The following DDX23 variants were observed in gnomAD, a reference collection of about 807,000 sequenced individuals.
DDX23 encodes the protein probable ATP-dependent RNA helicase DDX23.
A neutral mutation model predicts 102.7 loss-of-function variants in DDX23; 33 were observed. The ratio of observed to expected loss-of-function variants is 0.32; its 90% CI spans 0.24 to 0.43. DDX23 has a LOEUF of 0.43. Ranked by LOEUF, DDX23 falls within the 20% of genes least tolerant of loss-of-function variation. The pLI is 1.00. For missense variants in DDX23, 549 were observed against 1,086.6 expected (o/e 0.51, Z 6.96); for synonymous variants, 352 against 376.0 (o/e 0.94, Z 0.74).
At position 48,838,035 on chromosome 12, in the gene DDX23, G is replaced by A. The variant is rs1426753990; in HGVS notation, c.526C>T (p.Arg176Ter). ...CGCTCTTCCACCTCCTGCTGCCGTC[G>A]CTTTAGAGCTTCAGCCTCTCGTTCT... ...KAEREAEALK[R>*]RQQEVEERQR... Residue 176 changes from arginine (R) to a stop codon, truncating the protein, a stop_gained, in exon 6 of 17, where the codon CGA becomes TGA. Transcript: ENST00000308025. LOFTEE classifies it high-confidence loss of function. The A allele has an allele frequency of 1.2e-6, 2 of 1,614,138 alleles. No homozygotes were observed. The highest frequency in any genetic ancestry group is 8.5e-7 in the Non-Finnish European group (1 of 1,180,040).
chr12:48,840,138 TCTTA>T (rs1223503286), intron 3 of DDX23, 32 bp from the exon 4 acceptor site: 2 of 1,554,542 alleles, frequency 1.3e-6, no homozygotes, highest in East Asian at 4.5e-5. Flanking sequence ...TCCACATCAC[TCTTA>T]CTTCAGTGCC....
chr12:48,834,091 T>C (rs1938430006), intron 12 of DDX23, among the ~76,000 whole-genome samples: 2 of 152,184 alleles, frequency 1.3e-5, no homozygotes, highest in African/African-American at 4.8e-5. Context: ...GCTTGATCTA[T>C]AACAAGGAAA....
chr12:48,836,546 T>C lies in DDX23; in HGVS notation c.1236+23A>G, dbSNP rs1428526542. On this transcript the variant is annotated intron_variant, in intron 10 of 16. Transcript: ENST00000308025. The surrounding 1 kb of genome is among the most constrained non-coding windows in gnomAD (Gnocchi z 6.1). The stretch of plus-strand genomic sequence containing the variant: ...TAGTGTAGGAACATGTCAGATCTCT[T>C]GGGCCAATCTATCCCTCCTTACCTT... 6.2e-7 allele frequency: 1 copy of C among 1,605,240 alleles called. No homozygotes were observed. Among genetic ancestry groups the C allele is most frequent in the East Asian group, 2.2e-5 (1 of 44,852 alleles).
chr12:48,838,410 C>A (rs1332588567), intron 5 of DDX23, among the ~76,000 whole-genome samples: 3 of 152,084 alleles, frequency 2.0e-5, no homozygotes, highest in Admixed American at 2.0e-4. Flanking sequence ...CTCAGCCAGA[C>A]ATGATGGCAT....
intron 5 of DDX23, among the ~76,000 whole-genome samples, chr12:48,838,796 T>C (rs1003443564): frequency 5.3e-5 from 8 of 151,902 alleles, no homozygotes; most frequent in African/African-American, 1.9e-4. Context: ...GAGGTTGCAG[T>C]GAGCCGAGAT....
chr12:48,841,161 G>A (rs985776728), intron 3 of DDX23, among the ~76,000 whole-genome samples: 2 of 151,928 alleles, frequency 1.3e-5, no homozygotes, highest in Admixed American at 6.6e-5. Flanking sequence ...CGAGGTGGCC[G>A]GATCACCTAA....
chr12:48,836,644 G>A lies in DDX23; in HGVS notation c.1161C>T (p.Pro387=). Residue 387 remains proline (P), a synonymous_variant, in exon 10 of 17, where the codon CCC becomes CCT. Transcript: ENST00000308025. The surrounding 1 kb of genome is among the most constrained non-coding windows in gnomAD (Gnocchi z 6.1). ...YSITTKGGKI[P]NPIRSWKDSS... ...AGTCTTTCCAGGATCGGATGGGATT[G>A]GGGATCTTGCCACCTTTGGTGGTGA... The A allele has an allele frequency of 6.2e-7, 1 of 1,614,220 alleles. No individual in the cohort carries two copies.
At chr12:48,838,110 G>T (rs1190241976) in intron 5 of DDX23, 30 bp from the exon 6 acceptor site, 1 of 1,613,386 alleles carries the variant, frequency 6.2e-7, no homozygotes, top group Non-Finnish European at 8.5e-7. Flanking sequence ...TGTCAACAAA[G>T]GATCTGGGAG....
intron 1 of DDX23, among the ~76,000 whole-genome samples, chr12:48,846,732 A>G (rs1035294661): frequency 2.6e-5 from 4 of 152,212 alleles, no homozygotes; most frequent in African/African-American, 9.6e-5. Context: ...CCAAAACTAG[A>G]GGTTGCAGAA....
At chr12:48,850,167 G>C (rs1456795554) in intron 1 of DDX23, among the ~76,000 whole-genome samples, 1 of 152,228 alleles carries the variant, frequency 6.6e-6, no homozygotes, top group Non-Finnish European at 1.5e-5. Context: ...CTAGGCAAGA[G>C]ATGGCAGTGG....
intron 3 of DDX23, among the ~76,000 whole-genome samples, chr12:48,842,488 G>A (rs1938579454): frequency 7.1e-6 from 1 of 140,900 alleles, no homozygotes; most frequent in Non-Finnish European, 1.6e-5. Context: ...ACCCCGTCCG[G>A]GAGGAAGGTG....
rs112154071 is a variant in DDX23, at chr12:48,837,214, C to G, written c.866+67G>C. On this transcript the variant is annotated intron_variant, in intron 8 of 16. Transcript: ENST00000308025. ...CAGCTTATCTTACTTCCTCCACCTC[C>G]GTAGTCATCAGCTCTCTAGGACTGC... The G allele has an allele frequency of 1.3e-4, 204 of 1,571,244 alleles. No homozygotes were observed. In the Middle Eastern group the frequency reaches 4.3e-3, roughly 33 times the overall value.
In DDX23 at chr12:48,830,253, G is replaced by A. The variant is rs1393513164; in HGVS notation, c.*216C>T. 1 of 680,846 alleles carries A rather than the reference G, an allele frequency of 1.5e-6. No individual in the cohort carries two copies. The highest frequency in any genetic ancestry group is 2.0e-5 in the Admixed American group (1 of 48,784). The allele number at this position is 680,846 out of a possible 1,614,324, so 42.2% of individuals were successfully genotyped here. ...GGCAGAACTGGGCCAAGAAGCTGTG[G>A]TAATTTGCTCTCCCTGCCTCCGACA... On this transcript the variant is annotated 3_prime_UTR_variant, in exon 17 of 17. Transcript: ENST00000308025. The surrounding 1 kb of genome is among the most constrained non-coding windows in gnomAD (Gnocchi z 4.9).
At position 48,840,084 on chromosome 12, in the gene DDX23, C is replaced by A. The variant is rs1565677280; in HGVS notation, c.343G>T (p.Asp115Tyr). The part of the protein sequence containing the change: ...RSSLSPGRGK[D>Y]FKSRKDRDSK... ...TCTCTGTCCTTCCGAGATTTAAAGT[C>A]TTTTCCTCGACCAGGAGATAAGCTT... The change falls in exon 4 of 17, where the codon GAC becomes TAC. Residue 115 changes from aspartate (D) to tyrosine (Y), a missense_variant. Physicochemically the swap from Asp to Tyr is radical, Grantham distance 160 (BLOSUM62 -3). Coordinates refer to ENST00000308025, the MANE Select transcript of DDX23 (RefSeq NM_004818.3). 2 of 1,614,106 alleles carry A rather than the reference C, an allele frequency of 1.2e-6. No individual in the cohort carries two copies. The highest frequency in any genetic ancestry group is 1.7e-5 in the Admixed American group (1 of 60,032).
intron 8 of DDX23, 85 bp downstream of exon 8, chr12:48,837,196 T>C (rs1938477557): frequency 2.6e-6 from 4 of 1,555,566 alleles, no homozygotes; most frequent in Non-Finnish European, 3.5e-6. Flanking sequence ...TCCCAGCTTA[T>C]CTTACTTCCT....
chr12:48,832,013 G>A lies in DDX23; in HGVS notation c.2064+65C>T, dbSNP rs1031343369. 5 of 1,455,414 alleles carry A rather than the reference G, an allele frequency of 3.4e-6. No homozygotes were observed. The highest frequency in any genetic ancestry group is 1.4e-5 in the African/African-American group (1 of 71,426). The allele number at this position is 1,455,414 out of a possible 1,614,324, so 90.2% of individuals were successfully genotyped here. On this transcript the variant is annotated intron_variant, in intron 15 of 16. Transcript: ENST00000308025. This position sits in a 1 kb window ranked among gnomAD's most constrained non-coding sequence, Gnocchi z 4.4. ...GAGACTTGAAAGGAAGAGCCTAGGG[G>A]GCCCTGCTAGATTCAGAAAGCAGTG... is the stretch of plus-strand genomic sequence containing the variant.
chr12:48,845,665 G>T lies in DDX23; in HGVS notation c.118C>A (p.Pro40Thr). ...RDRDRDRKSS[P>T]SKDRKRHRSR... is the part of the protein sequence containing the mutation. ...CGATGCCGCTTTCTATCTTTAGATG[G>T]GGAAGACTTCCGGTCCCGGTCTCTA... The change falls in exon 2 of 17, where the codon CCA becomes ACA. Residue 40 changes from proline to threonine, a missense_variant. Around this residue, in one of 4 missense-constraint regions of DDX23, gnomAD observed 241 missense variants for 267.0 expected, o/e 0.90. Coordinates refer to ENST00000308025, the MANE Select transcript of DDX23 (RefSeq NM_004818.3). The T allele has an allele frequency of 6.2e-7, 1 of 1,614,212 alleles. No homozygotes were observed. Among genetic ancestry groups the T allele is most frequent in the Non-Finnish European group, 8.5e-7 (1 of 1,180,042 alleles).
At chr12:48,851,914 C>T (rs1050067364) in intron 1 of DDX23, among the ~76,000 whole-genome samples, 170 bp downstream of exon 1, 3 of 152,222 alleles carry the variant, frequency 2.0e-5, no homozygotes, top group African/African-American at 7.2e-5. Context: ...GCCAACACTA[C>T]CCCTGGGGCC....
In DDX23 at chr12:48,837,318, C is replaced by G; in HGVS notation, c.829G>C (p.Asp277His). 6.2e-7 allele frequency: 1 copy of G among 1,614,200 alleles called. No homozygotes were observed. Among genetic ancestry groups the G allele is most frequent in the Non-Finnish European group, 8.5e-7 (1 of 1,180,040 alleles). Residue 277 changes from aspartate to histidine, a missense_variant, in exon 8 of 17, where the codon GAT becomes CAT. Asp to His is a moderately conservative substitution (Grantham distance 81, BLOSUM62 -1). This residue lies in a region of DDX23 where 270 missense variants were observed against 707.0 expected (regional missense o/e 0.38). Coordinates refer to ENST00000308025, the MANE Select transcript of DDX23 (RefSeq NM_004818.3). ...TCAATGGATGTGTCCTCAGATGCAT[C>G]CCACTCAAAAACAAATTTCCGGTCA... The part of the protein sequence containing the change: ...LNDRKFVFEW[D>H]ASEDTSIDYN...
Sources: gnomAD v4.1 joint callset for allele counts (sites outside exome capture counted in the v4.1 genomes callset) on GRCh38, gnomAD v4.1.1 for gene constraint, gnomAD v4.1.1 regional missense constraint, Gnocchi (gnomAD v3.1) non-coding constraint, MANE v1.5 for transcripts, NCBI Gene and HGNC (gene_info 2026-07-23, HGNC 2026-07-21) for gene names.